The following RORA variants were observed in gnomAD, a reference collection of about 807,000 sequenced individuals.
RORA encodes RAR related orphan receptor A.
In RORA, 7 loss-of-function variants were observed where a neutral mutation model predicts 69.5. The observed-to-expected ratio is 0.10, with a 90% CI of 0.06 to 0.19. The LOEUF is 0.19. Among genes scored for constraint, RORA ranks in the 10% least tolerant of loss-of-function variants. The probability of loss-of-function intolerance (pLI) is 1.00; values close to 1 mark genes in which losing one functional copy is unlikely to be tolerated. For missense variants in RORA, 457 were observed against 663.0 expected (o/e 0.69, Z 3.41); for synonymous variants, 261 against 240.8 (o/e 1.08, Z -0.78).
intron 1 of RORA, among the ~76,000 whole-genome samples, chr15:60,792,777 G>T (rs1052199606): frequency 3.3e-5 from 5 of 152,188 alleles, no homozygotes; most frequent in African/African-American, 1.2e-4. Flanking sequence ...GGAAAAGAAA[G>T]TTCTGCAGTC....
intron 1 of RORA, among the ~76,000 whole-genome samples, chr15:61,195,356 A>G (rs2079837680): frequency 6.6e-6 from 1 of 151,920 alleles, no homozygotes; most frequent in Non-Finnish European, 1.5e-5. Flanking sequence ...CGCTCTTCCC[A>G]GAGGTCTGCA....
At chr15:60,670,199 CTCTTTTTTTTTTT>C (rs68083782) in intron 2 of RORA, among the ~76,000 whole-genome samples, 25,096 of 92,764 alleles carry the variant, frequency 0.27, 2,258 homozygotes, top group East Asian at 0.57. Flanking sequence ...TATATCCTAC[CTCTTTTTTTTTTT>C]TCTTTTTTTT....
At chr15:61,208,910 T>C (rs2079965558) in intron 1 of RORA, among the ~76,000 whole-genome samples, 1 of 152,238 alleles carries the variant, frequency 6.6e-6, no homozygotes. Context: ...CAGAATGTTT[T>C]TGTGGTATAT....
At chr15:60,838,761 C>G (rs1241254530) in intron 1 of RORA, among the ~76,000 whole-genome samples, 1 of 151,860 alleles carries the variant, frequency 6.6e-6, no homozygotes, top group African/African-American at 2.4e-5. Flanking sequence ...GGGTTTAACT[C>G]AGTTCCCCCA....
intron 1 of RORA, among the ~76,000 whole-genome samples, chr15:60,705,987 G>A (rs1232841339): frequency 6.6e-6 from 1 of 152,144 alleles, no homozygotes; most frequent in Non-Finnish European, 1.5e-5. Context: ...AGGTTCATTG[G>A]CACCATCAGC....
chr15:60,615,067 C>A (rs1158004136), intron 2 of RORA: 1 of 1,589,202 alleles, frequency 6.3e-7, no homozygotes, highest in African/African-American at 1.3e-5. Context: ...CACACACAGC[C>A]CCCTTTCTGC....
At position 60,495,916 on chromosome 15, in the gene RORA, C is replaced by T. The variant is rs2065156241; in HGVS notation, c.*1539G>A. The T allele has an allele frequency of 6.7e-6, 1 of 150,202 alleles. No homozygotes were observed. The highest frequency in any genetic ancestry group is 2.5e-5 in the African/African-American group (1 of 40,788). The allele number at this position is 150,202 out of a possible 1,614,324, so 9.3% of individuals were successfully genotyped here. ...CAACTCAGTATTTCTCACCTGAACA[C>T]ACAAGCCAAATAATCTTCTAAATAT... On this transcript the variant is annotated 3_prime_UTR_variant, in exon 11 of 11. Transcript: ENST00000335670.
At chr15:60,499,606 T>G (rs1453366380) in intron 10 of RORA, among the ~76,000 whole-genome samples, 1 of 152,260 alleles carries the variant, frequency 6.6e-6, no homozygotes, top group Non-Finnish European at 1.5e-5. Flanking sequence ...CTCTGCTTTA[T>G]GCCTAACTTT....
At chr15:60,833,508 G>A (rs2140394159) in intron 1 of RORA, among the ~76,000 whole-genome samples, 1 of 152,208 alleles carries the variant, frequency 6.6e-6, no homozygotes, top group South Asian at 2.1e-4. Flanking sequence ...CATCCCACCC[G>A]ATTCCAAATG....
intron 2 of RORA, among the ~76,000 whole-genome samples, chr15:60,600,014 G>A (rs769467542): frequency 2.6e-5 from 4 of 152,170 alleles, no homozygotes; most frequent in Non-Finnish European, 5.9e-5. Flanking sequence ...ATTTTAGGAT[G>A]AACAAGATAA....
chr15:60,518,187 GTC>G (rs1391325618), intron 3 of RORA, among the ~76,000 whole-genome samples: 2 of 152,318 alleles, frequency 1.3e-5, no homozygotes, highest in East Asian at 3.9e-4. Flanking sequence ...TCTTTCAAAA[GTC>G]TGAAGTCCCT....
intron 1 of RORA, among the ~76,000 whole-genome samples, chr15:61,016,189 A>G (rs977172551): frequency 1.3e-5 from 2 of 152,180 alleles, no homozygotes; most frequent in African/African-American, 4.8e-5. Flanking sequence ...TCTCATCTCT[A>G]AGACGGTGCT....
chr15:60,856,954 G>A (rs1217924349), intron 1 of RORA, among the ~76,000 whole-genome samples: 2 of 152,220 alleles, frequency 1.3e-5, no homozygotes, highest in Non-Finnish European at 2.9e-5. Flanking sequence ...GAGAATGTCA[G>A]AAAGACAAAG....
At chr15:60,586,932 C>T (rs539392076) in intron 2 of RORA, among the ~76,000 whole-genome samples, 8 of 152,096 alleles carry the variant, frequency 5.3e-5, no homozygotes, top group African/African-American at 1.7e-4. Context: ...AAAAGACAAA[C>T]GATTTCTCAA....
At chr15:60,976,849 C>T (rs371939218) in intron 1 of RORA, among the ~76,000 whole-genome samples, 17 of 152,198 alleles carry the variant, frequency 1.1e-4, no homozygotes, top group African/African-American at 4.1e-4. Context: ...CACCCACCAC[C>T]TGCAGCAGCA....
At chr15:60,753,369 C>A (rs533896750) in intron 1 of RORA, among the ~76,000 whole-genome samples, 9 of 152,350 alleles carry the variant, frequency 5.9e-5, no homozygotes, top group African/African-American at 1.7e-4. Flanking sequence ...ATTTATCGAA[C>A]ACCAATTCTG....
At chr15:61,066,167 C>A (rs999172766) in intron 1 of RORA, among the ~76,000 whole-genome samples, 1 of 152,152 alleles carries the variant, frequency 6.6e-6, no homozygotes, top group East Asian at 1.9e-4. Flanking sequence ...CCCATTTTCA[C>A]CTATCACTCA....
At chr15:60,589,161 A>G (rs11635169) in intron 2 of RORA, among the ~76,000 whole-genome samples, 15,654 of 152,314 alleles carry the variant, frequency 0.1, 848 homozygotes, top group Non-Finnish European at 0.12. Context: ...ATACCAGGCA[A>G]TGGGTCCTTA....
chr15:60,587,446 G>A (rs1326409644), intron 2 of RORA, among the ~76,000 whole-genome samples: 2 of 152,136 alleles, frequency 1.3e-5, no homozygotes, highest in Non-Finnish European at 2.9e-5. Flanking sequence ...TCCTCCAGGG[G>A]AGGCATGAAG....
Sources: gnomAD v4.1 joint callset for allele counts (sites outside exome capture counted in the v4.1 genomes callset) on GRCh38, gnomAD v4.1.1 for gene constraint, MANE v1.5 for transcripts, NCBI Gene and HGNC (gene_info 2026-07-23, HGNC 2026-07-21) for gene names.